The following ZRANB3 variants were observed in gnomAD, a reference collection of about 807,000 sequenced individuals.
ZRANB3 encodes the protein DNA annealing helicase and endonuclease ZRANB3.
ZRANB3 carries 125 observed loss-of-function variants against 133.8 expected under a neutral mutation model. The observed-to-expected ratio is 0.93, with a 90% CI of 0.81 to 1.08. The LOEUF is 1.08. ZRANB3 is among the 50% of genes least tolerant of loss of function. ZRANB3 has a pLI of 0.00. For synonymous variants in ZRANB3, 387 were observed against 432.7 expected, an observed-to-expected ratio of 0.89 and a Z score of 1.31; for missense variants, 1,229 against 1,275.5, an observed-to-expected ratio of 0.96 and a Z score of 0.56.
intron 3 of ZRANB3, among the ~76,000 whole-genome samples, chr2:135,372,150 A>G (rs1156322510): frequency 6.7e-6 from 1 of 148,698 alleles, no homozygotes; most frequent in African/African-American, 2.5e-5. Context: ...TGGGTGACAG[A>G]GCAAGACTCT....
intron 8 of ZRANB3, among the ~76,000 whole-genome samples, chr2:135,305,959 C>G (rs755806102): frequency 2.6e-5 from 4 of 152,050 alleles, no homozygotes; most frequent in Non-Finnish European, 4.4e-5. Flanking sequence ...TGCTTTTACT[C>G]TGTTGAACAT....
chr2:135,393,594 AT>A (rs1193107246), intron 2 of ZRANB3, among the ~76,000 whole-genome samples: 2 of 152,142 alleles, frequency 1.3e-5, no homozygotes, highest in African/African-American at 4.8e-5. Flanking sequence ...ATAAAGGGAA[AT>A]TTCTCTGGGC....
intron 13 of ZRANB3, among the ~76,000 whole-genome samples, chr2:135,229,206 G>T (rs1694881635): frequency 6.6e-6 from 1 of 152,070 alleles, no homozygotes; most frequent in African/African-American, 2.4e-5. Flanking sequence ...GGGCAGACTT[G>T]TCAATTTTGG....
chr2:135,296,258 T>C (rs1053827489), intron 8 of ZRANB3, among the ~76,000 whole-genome samples: 5 of 152,220 alleles, frequency 3.3e-5, no homozygotes, highest in Non-Finnish European at 5.9e-5. Context: ...CCCATATTTG[T>C]TGGAGGCTTT....
At chr2:135,386,887 T>C (rs929726962) in intron 3 of ZRANB3, among the ~76,000 whole-genome samples, 2 of 151,640 alleles carry the variant, frequency 1.3e-5, no homozygotes, top group African/African-American at 2.4e-5. Context: ...AAATACCTAA[T>C]GTAAATGATG....
At chr2:135,230,411 T>G in intron 13 of ZRANB3, 102 bp downstream of exon 13, 1 of 1,071,794 alleles carries the variant, frequency 9.3e-7, no homozygotes, top group Non-Finnish European at 1.3e-6. Context: ...AAAGTTGTGC[T>G]GAGTCACACT....
chr2:135,453,047 A>G (rs532738252), intron 2 of ZRANB3, among the ~76,000 whole-genome samples: 2 of 152,372 alleles, frequency 1.3e-5, no homozygotes, highest in South Asian at 4.1e-4. Context: ...GTTTCCATAC[A>G]GCTTCTGAAA....
At chr2:135,453,655 T>C (rs1410696021) in intron 2 of ZRANB3, among the ~76,000 whole-genome samples, 2 of 152,164 alleles carry the variant, frequency 1.3e-5, no homozygotes, top group Non-Finnish European at 2.9e-5. Context: ...TCACCTTTGC[T>C]CCAATTCCCA....
Position 135,208,907 on chromosome 2 carries a change from A to G in ZRANB3, c.2567T>C (p.Leu856Pro). The G allele has an allele frequency of 6.2e-7, 1 of 1,614,042 alleles. No individual in the cohort carries two copies. The highest frequency in any genetic ancestry group is 1.1e-5 in the South Asian group (1 of 91,078). ...CCGTGGCCTGGACTCCTTTGTGATC[A>G]GACGGACATGGCCCCCAACATTCTT... ...KVKNVGGHVR[L>P]ITKESRPRDP... is the part of the protein sequence containing the mutation. Residue 856 changes from leucine to proline, a missense_variant, in exon 18 of 21, where the codon CTG (leucine) becomes CCG (proline). By Grantham distance (98) the Leu-to-Pro change is moderately conservative. Transcript: ENST00000264159.
rs528531966 is a variant in ZRANB3, at chr2:135,397,563, A to G, written c.162-6743T>C. ...CTATTATAGTTAAAGATGGCATTTG[A>G]ACATGCTCATGTAGCTCCTCTTCTT... is the stretch of plus-strand genomic sequence containing the variant. On this transcript the variant is annotated intron_variant, in intron 2 of 20. Transcript: ENST00000264159. Among the ~76,000 whole-genome samples the G allele has an allele frequency of 2.0e-5, 3 of 152,340 alleles. No individual in the cohort carries two copies. The South Asian group carries it at 6.2e-4, about 32-fold the overall frequency.
chr2:135,478,109 G>C (rs562616903), intron 2 of ZRANB3, among the ~76,000 whole-genome samples: 1 of 151,944 alleles, frequency 6.6e-6, no homozygotes, highest in South Asian at 2.1e-4. Flanking sequence ...TTTTCTTTTT[G>C]ATAAATTACC....
intron 17 of ZRANB3, among the ~76,000 whole-genome samples, chr2:135,211,037 G>T (rs1375727792): frequency 2.6e-5 from 4 of 151,788 alleles, no homozygotes; most frequent in Non-Finnish European, 2.9e-5. Context: ...TCAAAAAAAA[G>T]AAAGAAAGAA....
At chr2:135,422,194 C>A (rs1248630788) in intron 2 of ZRANB3, among the ~76,000 whole-genome samples, 1 of 152,006 alleles carries the variant, frequency 6.6e-6, no homozygotes, top group Non-Finnish European at 1.5e-5. Flanking sequence ...CTACGTTTTT[C>A]TGCTCCCCTT....
intron 8 of ZRANB3, among the ~76,000 whole-genome samples, chr2:135,309,622 A>G (rs1682876126): frequency 6.6e-6 from 1 of 152,212 alleles, no homozygotes; most frequent in African/African-American, 2.4e-5. Flanking sequence ...ATTTTAAAAA[A>G]TGCCATTTAC....
intron 12 of ZRANB3, among the ~76,000 whole-genome samples, chr2:135,232,702 A>G (rs575413582): frequency 1.3e-4 from 20 of 152,328 alleles, no homozygotes; most frequent in African/African-American, 4.8e-4. Context: ...GTGGACCTCC[A>G]GCAAACTCCA....
In ZRANB3 at chr2:135,218,106, C is replaced by G. The variant is rs190882670; in HGVS notation, c.2353-499G>C. ...GCATTACAGGTGTGAGCCATCTCAC[C>G]CAGCCAAGAGATCTTTTTCAAGCCA... is the stretch of plus-strand genomic sequence containing the variant. On this transcript the variant is annotated intron_variant, in intron 16 of 20. Coordinates refer to ENST00000264159, the MANE Select transcript of ZRANB3 (RefSeq NM_032143.4). Among the ~76,000 whole-genome samples the G allele has an allele frequency of 2.6e-5, 4 of 152,272 alleles. No individual in the cohort carries two copies. In the East Asian group the frequency reaches 7.7e-4, roughly 29 times the overall value.
chr2:135,201,300 C>CT (rs34998422), intron 20 of ZRANB3, among the ~76,000 whole-genome samples: 3 of 151,968 alleles, frequency 2.0e-5, no homozygotes, highest in South Asian at 2.1e-4. Flanking sequence ...AATCAGATGA[C>CT]TTTTTTTTCC....
intron 8 of ZRANB3, among the ~76,000 whole-genome samples, chr2:135,294,247 CTAT>C (rs1161055292): frequency 2.0e-5 from 3 of 152,104 alleles, no homozygotes; most frequent in Non-Finnish European, 2.9e-5. Flanking sequence ...GGTTGGTAAG[CTAT>C]TAATTATTGC....
Position 135,350,217 on chromosome 2 carries a change from T to C in ZRANB3, c.360-2A>G, listed in dbSNP as rs752117685. The stretch of plus-strand genomic sequence containing the variant: ...GTCACTTTACTGGTCGACATTCTCC[T>C]AGAAAAGAAAATCCATGTACTTAAA... On this transcript the variant is annotated splice_acceptor_variant, in intron 4 of 20. Transcript: ENST00000264159. LOFTEE classifies it high-confidence loss of function. 15 of 1,569,020 alleles carry C rather than the reference T, an allele frequency of 9.6e-6. No homozygotes were observed. The highest frequency in any genetic ancestry group is 1.3e-5 in the Non-Finnish European group (15 of 1,154,910).
Sources: gnomAD v4.1 joint callset for allele counts (sites outside exome capture counted in the v4.1 genomes callset) on GRCh38, gnomAD v4.1.1 for gene constraint, MANE v1.5 for transcripts, NCBI Gene and HGNC (gene_info 2026-07-23, HGNC 2026-07-21) for gene names.